RAP1GAP2: variants seen among roughly 807,000 people sequenced by gnomAD.
RAP1GAP2 encodes RAP1 GTPase activating protein 2.
Under a neutral mutation model 95.0 loss-of-function variants are expected in RAP1GAP2, and 27 were observed. That is an observed-to-expected ratio of 0.28 (90% CI 0.21 to 0.39). The LOEUF is 0.39. Ranked by LOEUF, RAP1GAP2 falls within the 10% of genes least tolerant of loss-of-function variation. The pLI, the probability that RAP1GAP2 is intolerant of heterozygous loss-of-function variation, is 1.00. For missense variants in RAP1GAP2, 771 were observed against 970.0 expected (o/e 0.79, Z 2.72); for synonymous variants, 373 against 380.9 (o/e 0.98, Z 0.24).
intron 3 of RAP1GAP2, among the ~76,000 whole-genome samples, chr17:2,929,237 A>C (rs1421834690): frequency 6.6e-6 from 1 of 152,162 alleles, no homozygotes. Context: ...CATCTCAAGA[A>C]AAAAATAAAA....
At chr17:2,941,871 CG>C (rs2043512496) in intron 3 of RAP1GAP2, among the ~76,000 whole-genome samples, 1 of 152,008 alleles carries the variant, frequency 6.6e-6, no homozygotes, top group African/African-American at 2.4e-5. Context: ...TTAGTAGAGA[CG>C]GGGTTTTACC....
At chr17:2,894,567 A>G (rs1320006943) in intron 2 of RAP1GAP2, among the ~76,000 whole-genome samples, 5 of 151,916 alleles carry the variant, frequency 3.3e-5, no homozygotes, top group Admixed American at 6.6e-5. Flanking sequence ...TGCTGTTCTG[A>G]TCCCATTTGG....
At chr17:3,020,974 T>C (rs2046939877) in intron 19 of RAP1GAP2, among the ~76,000 whole-genome samples, 1 of 152,260 alleles carries the variant, frequency 6.6e-6, no homozygotes. Flanking sequence ...AAAGGTTCTA[T>C]GCTTTTTTCT....
At chr17:2,802,920 G>A (rs868693176) in intron 2 of RAP1GAP2, among the ~76,000 whole-genome samples, 3 of 152,132 alleles carry the variant, frequency 2.0e-5, no homozygotes, top group South Asian at 4.1e-4. Flanking sequence ...CCCTTCTCTG[G>A]GCTTTAGTTT....
In RAP1GAP2 at chr17:2,825,614, C is replaced by T. The variant is rs73976597; in HGVS notation, c.80+25064C>T. 4.0e-3 allele frequency among the ~76,000 whole-genome samples: 608 copies of T among 152,168 alleles called. 1 individual carries two copies. The highest frequency in any genetic ancestry group is 0.014 in the African/African-American group (579 of 41,546). On this transcript the variant is annotated intron_variant, in intron 2 of 24. Transcript: ENST00000254695. The surrounding 1 kb of genome is among the most constrained non-coding windows in gnomAD (Gnocchi z 4.1). ...AACCTCTCTGAGCTTGTTTTCCCAT[C>T]CGGAAAGTGAAGATAAGGAGCGTCC...
intron 1 of RAP1GAP2, among the ~76,000 whole-genome samples, chr17:2,760,549 C>T (rs994701977): frequency 6.8e-6 from 1 of 147,504 alleles, no homozygotes; most frequent in Non-Finnish European, 1.5e-5. Flanking sequence ...CCATGTTGGC[C>T]AGGCTGGTCT....
At chr17:3,025,940 G>A in intron 19 of RAP1GAP2, 68 bp from the exon 20 acceptor site, 2 of 1,201,838 alleles carry the variant, frequency 1.7e-6, no homozygotes, top group Non-Finnish European at 2.4e-6. Context: ...GGCTCTGCCT[G>A]GGGCCGTGGA....
intron 3 of RAP1GAP2, among the ~76,000 whole-genome samples, chr17:2,947,815 G>A (rs1452295597): frequency 3.9e-5 from 6 of 152,076 alleles, no homozygotes; most frequent in South Asian, 2.1e-4. Context: ...TTCCAGAAAC[G>A]GGTTTAGAGA....
intron 2 of RAP1GAP2, among the ~76,000 whole-genome samples, chr17:2,901,295 A>G (rs763859096): frequency 6.6e-6 from 1 of 152,154 alleles, no homozygotes; most frequent in Non-Finnish European, 1.5e-5. Context: ...CTGCCCTTCC[A>G]GCCTGCCCTT....
At chr17:2,814,739 C>A (rs573430786) in intron 2 of RAP1GAP2, among the ~76,000 whole-genome samples, 2 of 152,264 alleles carry the variant, frequency 1.3e-5, no homozygotes, top group Non-Finnish European at 2.9e-5. Flanking sequence ...TACCACCCCC[C>A]CCAACCCCAA....
rs754996506 is a variant in RAP1GAP2, at chr17:3,003,510, C to G, written c.1201-1859C>G. On this transcript the variant is annotated intron_variant, in intron 14 of 24. Coordinates refer to ENST00000254695, the MANE Select transcript of RAP1GAP2 (RefSeq NM_015085.5). This position sits in a 1 kb window ranked among gnomAD's most constrained non-coding sequence, Gnocchi z 4.1. ...CGACTTGTCTGTTGCTCGGACGATG[C>G]TCTGTGTGCCACCGCGGCTCCCAGG... Among the ~76,000 whole-genome samples the G allele has an allele frequency of 1.3e-5, 2 of 152,120 alleles. No individual in the cohort carries two copies. The highest frequency in any genetic ancestry group is 2.9e-5 in the Non-Finnish European group (2 of 68,022).
At chr17:2,831,323 TGCTC>T in intron 2 of RAP1GAP2, among the ~76,000 whole-genome samples, 3 of 151,244 alleles carry the variant, frequency 2.0e-5, no homozygotes, top group Middle Eastern at 3.4e-3. Flanking sequence ...GTGATCTGCC[TGCTC>T]CAGCCTCCCA....
chr17:2,759,575 G>A (rs1217121055), intron 1 of RAP1GAP2, among the ~76,000 whole-genome samples: 1 of 151,964 alleles, frequency 6.6e-6, no homozygotes, highest in Non-Finnish European at 1.5e-5. Flanking sequence ...CTCAGCCCCC[G>A]GAGTAGCTGG....
intron 2 of RAP1GAP2, among the ~76,000 whole-genome samples, chr17:2,771,491 T>TG (rs2068394822): frequency 6.8e-6 from 1 of 147,524 alleles, no homozygotes; most frequent in African/African-American, 2.6e-5. Context: ...TTTTTGTTTT[T>TG]TTTTTTTGTT....
At position 2,835,432 on chromosome 17, in the gene RAP1GAP2, G is replaced by A. The variant is rs1243807834; in HGVS notation, c.80+34882G>A. Among the ~76,000 whole-genome samples the A allele has an allele frequency of 3.9e-5, 6 of 151,900 alleles. No individual in the cohort carries two copies. In the South Asian group the frequency reaches 1.0e-3, roughly 26 times the overall value. ...GATGGGGTTTCACCATGTTGGCCAG[G>A]ATGGTCTCGAACTCCTGACCTCAGG... On this transcript the variant is annotated intron_variant, in intron 2 of 24. Coordinates refer to ENST00000254695, the MANE Select transcript of RAP1GAP2 (RefSeq NM_015085.5).
At chr17:2,853,046 C>T (rs998481005) in intron 2 of RAP1GAP2, among the ~76,000 whole-genome samples, 12 of 152,016 alleles carry the variant, frequency 7.9e-5, no homozygotes, top group African/African-American at 2.4e-4. Flanking sequence ...AGCGGGGTCG[C>T]CGTGAAGTTG....
chr17:2,876,148 A>G (rs2073090387), intron 2 of RAP1GAP2, among the ~76,000 whole-genome samples: 1 of 151,928 alleles, frequency 6.6e-6, no homozygotes, highest in Non-Finnish European at 1.5e-5. Context: ...CGTGTTAGCC[A>G]GGATGGTCTT....
intron 1 of RAP1GAP2, among the ~76,000 whole-genome samples, chr17:2,780,361 C>T (rs2068616155): frequency 6.6e-6 from 1 of 152,230 alleles, no homozygotes; most frequent in Non-Finnish European, 1.5e-5. Flanking sequence ...AAAGTCTCTT[C>T]ATCCTTTTTT....
upstream of RAP1GAP2, among the ~76,000 whole-genome samples, chr17:2,773,440 GAC>G (rs539113722): frequency 1.1e-3 from 175 of 152,286 alleles, 1 homozygote; most frequent in African/African-American, 3.5e-3. Flanking sequence ...CCTTGCAGAT[GAC>G]ACAGAGCCAC....
Sources: allele counts gnomAD v4.1 joint callset (sites outside exome capture counted in the v4.1 genomes callset), GRCh38; gene constraint gnomAD v4.1.1; non-coding constraint Gnocchi (gnomAD v3.1); transcripts MANE v1.5; gene names NCBI Gene and HGNC (gene_info 2026-07-23, HGNC 2026-07-21).